DMXL1: variants seen among roughly 807,000 people sequenced by gnomAD.
The protein encoded by DMXL1 is Dmx like 1.
Under a neutral mutation model 319.2 loss-of-function variants are expected in DMXL1, and 99 were observed. That is an observed-to-expected ratio of 0.31 (90% confidence interval 0.26 to 0.37). DMXL1 has a LOEUF of 0.37. Ranked by LOEUF, DMXL1 falls within the 10% of genes least tolerant of loss-of-function variation. The pLI is 1.00. For synonymous variants in DMXL1, 1,385 were observed against 1,235.2 expected (o/e 1.12, Z -2.54); for missense variants, 3,745 against 3,595.6 (o/e 1.04, Z -1.06).
Position 119,171,791 on chromosome 5 carries a change from C to G in DMXL1, c.6503C>G (p.Pro2168Arg). 6.2e-7 allele frequency: 1 copy of G among 1,610,276 alleles called. No homozygotes were observed. Among genetic ancestry groups the G allele is most frequent in the Non-Finnish European group, 8.5e-7 (1 of 1,178,334 alleles). ...TTTGTTTTTAAGGAAACATCAGAAC[C>G]ACTATTTTCTAGCCCTCTGTCAGAG... ...LQESQQETSE[P>R]LFSSPLSEQT... The change falls in exon 25 of 44, where the codon CCA becomes CGA. Residue 2168 changes from proline to arginine, a missense_variant. By Grantham distance (103) the Pro-to-Arg change is moderately radical. Around this residue, in one of 4 missense-constraint regions of DMXL1, gnomAD observed 1,382 missense variants for 1,269.5 expected, o/e 1.09. Transcript: ENST00000539542.
intron 2 of DMXL1, among the ~76,000 whole-genome samples, 195 bp downstream of exon 2, chr5:119,098,299 T>C (rs1331822904): frequency 6.6e-6 from 1 of 152,210 alleles, no homozygotes; most frequent in African/African-American, 2.4e-5. Flanking sequence ...TTTTAAATTA[T>C]AGCATCATCT....
Position 119,148,856 on chromosome 5 carries a change from C to T in DMXL1, c.3029C>T (p.Ala1010Val). 6.2e-7 allele frequency: 1 copy of T among 1,613,712 alleles called. No individual in the cohort carries two copies. Among genetic ancestry groups the T allele is most frequent in the Non-Finnish European group, 8.5e-7 (1 of 1,179,778 alleles). ...TGCAGAGTAACAGATGGAGAATCTG[C>T]CACGTCAAAGAATGGAAAAATTGAT... ...WRCRVTDGES[A>V]TSKNGKIDLA... Residue 1010 changes from alanine to valine, a missense_variant, in exon 18 of 44, where the codon GCC (alanine) becomes GTC (valine). Physicochemically the swap from Ala to Val is moderately conservative, Grantham distance 64 (BLOSUM62 0). This residue lies in a region of DMXL1 where 2,096 missense variants were observed against 1,985.4 expected (regional missense o/e 1.06). Transcript: ENST00000539542.
chr5:119,191,921 T>A (rs184429214), intron 29 of DMXL1, among the ~76,000 whole-genome samples: 19 of 152,370 alleles, frequency 1.2e-4, no homozygotes, highest in Admixed American at 1.1e-3. Flanking sequence ...CTCTATGTGT[T>A]ATATGCATGG....
intron 31 of DMXL1, among the ~76,000 whole-genome samples, chr5:119,197,029 A>G (rs1450535905): frequency 3.9e-5 from 6 of 152,224 alleles, no homozygotes; most frequent in Admixed American, 1.3e-4. Context: ...ATTTAGATAT[A>G]GGGAGGTAAG....
chr5:119,227,633 G>T (rs1470840740), intron 38 of DMXL1, among the ~76,000 whole-genome samples: 7 of 152,044 alleles, frequency 4.6e-5, no homozygotes, highest in Admixed American at 3.9e-4. Context: ...TTTTTTCAAG[G>T]TATCTTATTT....
At chr5:119,163,929 C>A (rs2150221341) in intron 19 of DMXL1, among the ~76,000 whole-genome samples, 1 of 152,158 alleles carries the variant, frequency 6.6e-6, no homozygotes, top group Non-Finnish European at 1.5e-5. Context: ...CCAGACTGGT[C>A]TCGAACTTCT....
At chr5:119,222,376 A>G (rs1049659322) in intron 37 of DMXL1, among the ~76,000 whole-genome samples, 10 of 152,216 alleles carry the variant, frequency 6.6e-5, no homozygotes, top group Admixed American at 3.9e-4. Context: ...AAAGCAATCT[A>G]GTAATTATTC....
chr5:119,164,372 C>G lies in DMXL1; in HGVS notation c.4703-135C>G, dbSNP rs1320457008. On this transcript the variant is annotated intron_variant, in intron 19 of 43. Coordinates refer to ENST00000539542, the MANE Select transcript of DMXL1 (RefSeq NM_001290321.3). ...TTGAAGAAGGAAAAACTTAAAAAAG[C>G]CCATATTTCCAATCTTAAACTGTGA... The G allele has an allele frequency of 3.9e-6, 3 of 761,632 alleles. No homozygotes were observed. In the Admixed American group the frequency reaches 9.4e-5, roughly 24 times the overall value. The allele number at this position is 761,632 out of a possible 1,614,324, so 47.2% of individuals were successfully genotyped here.
intron 19 of DMXL1, among the ~76,000 whole-genome samples, chr5:119,158,837 C>T (rs1223237288): frequency 1.3e-5 from 2 of 152,202 alleles, no homozygotes; most frequent in African/African-American, 2.4e-5. Context: ...ATAATTCCTA[C>T]TTGATCACAG....
Position 119,227,393 on chromosome 5 carries a change from A to T in DMXL1, c.8338+2624A>T, listed in dbSNP as rs180950247. ...TGCTGGAACATTAATAAGGAATCTC[A>T]GATAAGATTTTTAAAAACCTCTTGA... On this transcript the variant is annotated intron_variant, in intron 38 of 43. Coordinates refer to ENST00000539542, the MANE Select transcript of DMXL1 (RefSeq NM_001290321.3). Among the ~76,000 whole-genome samples, 410 of 152,286 alleles carry T rather than the reference A, an allele frequency of 2.7e-3. 2 individuals carry two copies. Among genetic ancestry groups the T allele is most frequent in the African/African-American group, 9.1e-3 (378 of 41,554 alleles).
rs548563232 is a variant in DMXL1 at position 119,160,406 on chromosome 5, A to G, written c.4703-4101A>G. Among the ~76,000 whole-genome samples the G allele has an allele frequency of 2.6e-5, 4 of 152,326 alleles. No individual in the cohort carries two copies. The South Asian group carries it at 8.3e-4, about 32-fold the overall frequency. On this transcript the variant is annotated intron_variant, in intron 19 of 43. Transcript: ENST00000539542. ...ATTGTGATCAGAAAAGATACTTCATATGATTTACATACACTTGAATTTTTT... is the reference window on the plus strand; with the variant it reads ...ATTGTGATCAGAAAAGATACTTCATGTGATTTACATACACTTGAATTTTTT...
Position 119,149,356 on chromosome 5 carries a change from G to C in DMXL1, c.3529G>C (p.Gly1177Arg). ...PLAGKVQDQTGKETLAFPLWE... is the reference protein window; with the variant it reads ...PLAGKVQDQTRKETLAFPLWE... ...GGCTGGCAAGGTACAAGACCAAACT[G>C]GTAAGGAAACCCTGGCATTTCCTCT... The change falls in exon 18 of 44, where the codon GGT (glycine) becomes CGT (arginine). Residue 1177 changes from glycine (G) to arginine (R), a missense_variant. By Grantham distance (125) the Gly-to-Arg change is moderately radical (BLOSUM62 -2). Around this residue, in one of 4 missense-constraint regions of DMXL1, gnomAD observed 2,096 missense variants for 1,985.4 expected, o/e 1.06. Transcript: ENST00000539542. 1 of 1,613,868 alleles carries C rather than the reference G, an allele frequency of 6.2e-7. No homozygotes were observed. Among genetic ancestry groups the C allele is most frequent in the Non-Finnish European group, 8.5e-7 (1 of 1,179,878 alleles).
intron 31 of DMXL1, among the ~76,000 whole-genome samples, 198 bp downstream of exon 31, chr5:119,196,654 C>G (rs1779697311): frequency 6.6e-6 from 1 of 151,644 alleles, no homozygotes; most frequent in East Asian, 1.9e-4. Flanking sequence ...ATGGCAACAT[C>G]CAAGAAATCA....
intron 43 of DMXL1, among the ~76,000 whole-genome samples, chr5:119,246,529 T>A (rs934150790): frequency 6.6e-6 from 1 of 152,296 alleles, no homozygotes; most frequent in East Asian, 1.9e-4. Context: ...CAAGGTGTTA[T>A]GATCCTAGGC....
At chr5:119,103,689 C>G (rs560876544) in intron 3 of DMXL1, among the ~76,000 whole-genome samples, 2 of 152,148 alleles carry the variant, frequency 1.3e-5, no homozygotes, top group Admixed American at 1.3e-4. Context: ...CTCTTAAAGC[C>G]TTAAGAATTA....
In DMXL1 at chr5:119,101,337, ATC is replaced by A. The variant is rs1470092953; in HGVS notation, c.214-588_214-587del. Among the ~76,000 whole-genome samples the A allele has an allele frequency of 2.0e-5, 3 of 152,274 alleles. No homozygotes were observed. The East Asian group carries it at 5.8e-4, about 29-fold the overall frequency. ...TTTCTATCCCTGATTCATTCATTTAATCTCTCTCTCTGTTTGATTTCCAATAT... is the reference window on the plus strand; with the variant it reads ...TTTCTATCCCTGATTCATTCATTTAATCTCTCTCTGTTTGATTTCCAATAT... On this transcript the variant is annotated intron_variant, in intron 2 of 43. Transcript: ENST00000539542.
intron 1 of DMXL1, chr5:119,081,572 AG>A: frequency 1.0e-6 from 1 of 985,356 alleles, no homozygotes; most frequent in African/African-American, 1.7e-5. Context: ...TTGTTTTTAT[AG>A]GAGGAATAAG....
At chr5:119,206,297 A>G (rs767437036) in intron 33 of DMXL1, among the ~76,000 whole-genome samples, 1 of 152,004 alleles carries the variant, frequency 6.6e-6, no homozygotes, top group Non-Finnish European at 1.5e-5. Context: ...TCTTTCTTTA[A>G]CAAGTACTAC....
intron 1 of DMXL1, among the ~76,000 whole-genome samples, chr5:119,077,741 CATTT>C (rs1380316223): frequency 1.2e-5 from 1 of 81,028 alleles, no homozygotes; most frequent in African/African-American, 6.0e-5. Context: ...TACATATATA[CATTT>C]ATTTTTTAAG....
Sources: gnomAD v4.1 joint callset for allele counts (sites outside exome capture counted in the v4.1 genomes callset) on GRCh38, gnomAD v4.1.1 for gene constraint, gnomAD v4.1.1 regional missense constraint, MANE v1.5 for transcripts, NCBI Gene and HGNC (gene_info 2026-07-23, HGNC 2026-07-21) for gene names.